SEMA5A: variants seen among roughly 807,000 people sequenced by gnomAD.
The protein encoded by SEMA5A is semaphorin-5A.
In SEMA5A, 55 loss-of-function variants were observed where a neutral mutation model predicts 135.5. The ratio of observed to expected loss-of-function variants is 0.41; its 90% confidence interval spans 0.33 to 0.51. The LOEUF (loss-of-function observed/expected upper bound fraction) is 0.51, where lower values mean the gene tolerates loss of function less well. SEMA5A is among the 20% of genes least tolerant of loss of function. The pLI, the probability that SEMA5A is intolerant of heterozygous loss-of-function variation, is 0.37. For missense variants in SEMA5A, 1,290 were observed against 1,419.9 expected, an observed-to-expected ratio of 0.91 and a Z score of 1.47; for synonymous variants, 580 against 546.5, an observed-to-expected ratio of 1.06 and a Z score of -0.85.
intron 11 of SEMA5A, among the ~76,000 whole-genome samples, chr5:9,167,858 T>G (rs1000760792): frequency 1.3e-5 from 2 of 152,218 alleles, no homozygotes; most frequent in African/African-American, 4.8e-5. Flanking sequence ...CGGGATACAG[T>G]AGGCCGTCAG....
intron 2 of SEMA5A, among the ~76,000 whole-genome samples, chr5:9,434,122 G>C (rs1312842221): frequency 6.6e-6 from 1 of 152,108 alleles, no homozygotes; most frequent in Non-Finnish European, 1.5e-5. Context: ...AGCAACATAT[G>C]TTCCACAAAA....
intron 3 of SEMA5A, among the ~76,000 whole-genome samples, chr5:9,371,687 C>T (rs574443847): frequency 1.3e-5 from 2 of 152,144 alleles, no homozygotes; most frequent in Non-Finnish European, 2.9e-5. Context: ...CATTACATCA[C>T]ATAAAACATC....
At chr5:9,442,431 G>A (rs543290592) in intron 1 of SEMA5A, among the ~76,000 whole-genome samples, 1 of 152,260 alleles carries the variant, frequency 6.6e-6, no homozygotes, top group East Asian at 1.9e-4. Flanking sequence ...AGCCTCTCCT[G>A]GACTCCAGCT....
At chr5:9,385,621 T>A (rs1755851398) in intron 2 of SEMA5A, among the ~76,000 whole-genome samples, 1 of 152,094 alleles carries the variant, frequency 6.6e-6, no homozygotes, top group African/African-American at 2.4e-5. Context: ...TGAGGTGGCC[T>A]CAGAGATGTC....
chr5:9,144,383 TCCAGAGGGGAA>T (rs1279499259), intron 12 of SEMA5A, among the ~76,000 whole-genome samples: 1 of 152,220 alleles, frequency 6.6e-6, no homozygotes, highest in Admixed American at 6.5e-5. Flanking sequence ...AGGGCATAAG[TCCAGAGGGGAA>T]AATATGTATT....
At chr5:9,480,438 G>T (rs1226714819) in intron 1 of SEMA5A, among the ~76,000 whole-genome samples, 1 of 152,118 alleles carries the variant, frequency 6.6e-6, no homozygotes, top group Non-Finnish European at 1.5e-5. Flanking sequence ...TATTCTGGGG[G>T]TGGGGAGGGG....
intron 5 of SEMA5A, among the ~76,000 whole-genome samples, chr5:9,281,412 G>T (rs190546718): frequency 5.3e-5 from 8 of 152,352 alleles, no homozygotes; most frequent in Admixed American, 5.2e-4. Flanking sequence ...TCTGGAGACA[G>T]CTGGGAAGGG....
At chr5:9,164,879 G>A (rs1213473106) in intron 11 of SEMA5A, among the ~76,000 whole-genome samples, 1 of 152,124 alleles carries the variant, frequency 6.6e-6, no homozygotes, top group African/African-American at 2.4e-5. Context: ...AAGGAAGAAG[G>A]TAAAGTGGGA....
intron 2 of SEMA5A, among the ~76,000 whole-genome samples, chr5:9,413,142 A>G (rs1343498375): frequency 1.3e-5 from 2 of 152,100 alleles, no homozygotes; most frequent in Non-Finnish European, 2.9e-5. Flanking sequence ...GACATTGGGG[A>G]AGGTGGGCAG....
At chr5:9,458,388 C>T (rs1426221088) in intron 1 of SEMA5A, among the ~76,000 whole-genome samples, 1 of 152,130 alleles carries the variant, frequency 6.6e-6, no homozygotes, top group Non-Finnish European at 1.5e-5. Flanking sequence ...CTTTCTCAAG[C>T]TTTTGAAATA....
intron 18 of SEMA5A, 35 bp from the exon 19 acceptor site, chr5:9,054,292 A>T (rs1736767206): frequency 1.9e-6 from 3 of 1,590,174 alleles, no homozygotes; most frequent in South Asian, 1.2e-5. Flanking sequence ...CTCTTCTATA[A>T]TCCAATCCCA....
chr5:9,386,059 C>T (rs1354117365), intron 2 of SEMA5A, among the ~76,000 whole-genome samples: 1 of 152,094 alleles, frequency 6.6e-6, no homozygotes, highest in Non-Finnish European at 1.5e-5. Context: ...CTCAGCCTCC[C>T]AAAGTGCTGG....
intron 12 of SEMA5A, among the ~76,000 whole-genome samples, chr5:9,143,609 C>T (rs1015190165): frequency 6.6e-6 from 1 of 152,154 alleles, no homozygotes; most frequent in African/African-American, 2.4e-5. Flanking sequence ...ACACATTTTA[C>T]AGTAAAGCAT....
intron 1 of SEMA5A, among the ~76,000 whole-genome samples, chr5:9,539,810 C>T (rs1737977555): frequency 6.6e-6 from 1 of 152,134 alleles, no homozygotes; most frequent in African/African-American, 2.4e-5. Context: ...TGCTAATCTC[C>T]AAGTCATGCA....
At chr5:9,079,282 G>A (rs1041779914) in intron 16 of SEMA5A, among the ~76,000 whole-genome samples, 2 of 152,038 alleles carry the variant, frequency 1.3e-5, no homozygotes, top group African/African-American at 4.8e-5. Flanking sequence ...CAACTACATG[G>A]AAACTGAACA....
At chr5:9,449,379 G>A (rs1431220821) in intron 1 of SEMA5A, among the ~76,000 whole-genome samples, 1 of 152,084 alleles carries the variant, frequency 6.6e-6, no homozygotes, top group African/African-American at 2.4e-5. Flanking sequence ...AGAATGCATG[G>A]ATATATGGGG....
At chr5:9,326,281 C>T (rs1188147384) in intron 4 of SEMA5A, among the ~76,000 whole-genome samples, 7 of 152,180 alleles carry the variant, frequency 4.6e-5, no homozygotes, top group South Asian at 2.1e-4. Flanking sequence ...GATGGAGTCT[C>T]GCTCTGTTGC....
intron 2 of SEMA5A, among the ~76,000 whole-genome samples, chr5:9,420,796 C>T (rs562553549): frequency 6.6e-6 from 1 of 152,252 alleles, no homozygotes; most frequent in South Asian, 2.1e-4. Flanking sequence ...AGGTAGGTCA[C>T]AAGGTCAGGA....
chr5:9,215,219 A>C (rs1805960), intron 8 of SEMA5A, among the ~76,000 whole-genome samples: 1 of 152,028 alleles, frequency 6.6e-6, no homozygotes, highest in Non-Finnish European at 1.5e-5. Flanking sequence ...GAAGCCTGAG[A>C]AGTAAACAGA....
Sources: allele counts gnomAD v4.1 joint callset (sites outside exome capture counted in the v4.1 genomes callset), GRCh38; gene constraint gnomAD v4.1.1; transcripts MANE v1.5; gene names NCBI Gene and HGNC (gene_info 2026-07-23, HGNC 2026-07-21).